ZNF326: variants seen among roughly 807,000 people sequenced by gnomAD.
The protein encoded by ZNF326 is DBIRD complex subunit ZNF326.
In ZNF326, 30 loss-of-function variants were observed where a neutral mutation model predicts 63.1. That is an observed-to-expected ratio of 0.48 (90% CI 0.36 to 0.64). The LOEUF (loss-of-function observed/expected upper bound fraction) is 0.64, where lower values mean the gene tolerates loss of function less well. Ranked by LOEUF, ZNF326 falls within the 30% of genes least tolerant of loss-of-function variation. The pLI, the probability that ZNF326 is intolerant of heterozygous loss-of-function variation, is 0.00. For missense variants in ZNF326, 609 were observed against 720.3 expected, an observed-to-expected ratio of 0.85 and a Z score of 1.77; for synonymous variants, 194 against 228.2, an observed-to-expected ratio of 0.85 and a Z score of 1.35.
chr1:90,017,545 C>A, intron 8 of ZNF326, 81 bp downstream of exon 8: 1 of 1,292,778 alleles, frequency 7.7e-7, no homozygotes, highest in African/African-American at 1.6e-5. Flanking sequence ...CCCCATCTCT[C>A]ACATTTATGT....
chr1:90,010,192 A>G lies in ZNF326; in HGVS notation c.720A>G (p.Lys240=). 2 of 1,613,952 alleles carry G rather than the reference A, an allele frequency of 1.2e-6. No individual in the cohort carries two copies. Among genetic ancestry groups the G allele is most frequent in the Non-Finnish European group, 1.7e-6 (2 of 1,179,886 alleles). Residue 240 remains lysine (K), a synonymous_variant, in exon 6 of 12, where the codon AAA becomes AAG. Transcript: ENST00000340281. The part of the protein sequence containing the change: ...TVAAARGIKR[K]MMQPFNKPSG... ...CTGCTGCAAGAGGAATAAAGAGAAA[A>G]ATGATGCAGCCATTTAATAAGCCCA...
At position 90,005,743 on chromosome 1, in the gene ZNF326, A is replaced by T. The variant is rs1001848749; in HGVS notation, c.209+499A>T. Reference sequence around the variant, plus strand: ...CATATTCCTTTAATTCTAATTTTAAAGGAAGAGCATATTGCAATAATAAAA... The same window carrying T: ...CATATTCCTTTAATTCTAATTTTAATGGAAGAGCATATTGCAATAATAAAA... On this transcript the variant is annotated intron_variant, in intron 4 of 11. Transcript: ENST00000340281. 3.1e-6 allele frequency: 3 copies of T among 983,512 alleles called. No individual in the cohort carries two copies. In the African/African-American group the frequency reaches 5.2e-5, roughly 17 times the overall value. The allele number at this position is 983,512 out of a possible 1,614,324, so 60.9% of individuals were successfully genotyped here.
chr1:90,018,571 A>G (rs1051720153), intron 8 of ZNF326, 114 bp from the exon 9 acceptor site: 3 of 512,544 alleles, frequency 5.9e-6, no homozygotes, highest in Admixed American at 3.9e-5. Flanking sequence ...TTGAGAAAAG[A>G]TGTTAATTCT....
chr1:90,024,091 C>T (rs114532424), intron 11 of ZNF326, among the ~76,000 whole-genome samples: 1 of 152,172 alleles, frequency 6.6e-6, no homozygotes, highest in African/African-American at 2.4e-5. Flanking sequence ...GCTGTGTTCC[C>T]TGTTGTCATT....
chr1:90,023,024 A>C (rs1394545221), intron 11 of ZNF326, among the ~76,000 whole-genome samples: 1 of 152,196 alleles, frequency 6.6e-6, no homozygotes, highest in African/African-American at 2.4e-5. Context: ...TCAGATGTGA[A>C]CAATTGGATA....
rs115125273 is a variant in ZNF326, at chr1:89,999,456, T to G, written c.61+1302T>G. Among the ~76,000 whole-genome samples the G allele has an allele frequency of 4.4e-3, 670 of 152,322 alleles. 5 individuals carry two copies. Among genetic ancestry groups the G allele is most frequent in the African/African-American group, 0.015 (636 of 41,568 alleles). On this transcript the variant is annotated intron_variant, in intron 2 of 11. Transcript: ENST00000340281. ...ACATAGGACTTGAAATGCAGACTCA[T>G]GCAGGGCCAGATGTTTATTTATTAA...
rs1019356056 is a variant in ZNF326 at position 90,032,584 on chromosome 1, G to A, written c.*4883G>A. 26 of 152,274 alleles carry A rather than the reference G, an allele frequency of 1.7e-4. No homozygotes were observed. Among genetic ancestry groups the A allele is most frequent in the African/African-American group, 5.8e-4 (24 of 41,562 alleles). The allele number at this position is 152,274 out of a possible 1,614,324, so 9.4% of individuals were successfully genotyped here. A position where few individuals can be genotyped will look rare whatever the true frequency, so the allele number is the denominator to read the frequency against. On this transcript the variant is annotated 3_prime_UTR_variant, in exon 12 of 12. Transcript: ENST00000340281. Reference sequence around the variant, plus strand: ...AGGGTGCTGTGAAATATTTCTAGAAGATACAAAACAAGGAATTAGATCTTG... The same window carrying A: ...AGGGTGCTGTGAAATATTTCTAGAAAATACAAAACAAGGAATTAGATCTTG...
chr1:90,022,210 A>G (rs1306094538), intron 10 of ZNF326, 40 bp from the exon 11 acceptor site: 17 of 1,396,648 alleles, frequency 1.2e-5, no homozygotes, highest in Non-Finnish European at 1.7e-5. Context: ...TTTTCATGGC[A>G]TGGTTTTCAA....
chr1:90,009,588 G>A (rs1275479297), intron 5 of ZNF326, among the ~76,000 whole-genome samples: 1 of 152,030 alleles, frequency 6.6e-6, no homozygotes, highest in Non-Finnish European at 1.5e-5. Flanking sequence ...GTTCCATCTC[G>A]CCTTCTCATT....
In ZNF326 at chr1:90,028,801, T is replaced by C. The variant is rs1650141165; in HGVS notation, c.*1100T>C. The C allele has an allele frequency of 6.6e-6, 1 of 152,000 alleles. No homozygotes were observed. Among genetic ancestry groups the C allele is most frequent in the Admixed American group, 6.6e-5 (1 of 15,260 alleles). The allele number at this position is 152,000 out of a possible 1,614,324, so 9.4% of individuals were successfully genotyped here. The stretch of plus-strand genomic sequence containing the variant: ...TTTTCAATCTTTACTGTGGCCTCTT[T>C]TGAGAGTAGGGTCCGTAGTTTTTTT... On this transcript the variant is annotated 3_prime_UTR_variant, in exon 12 of 12. Transcript: ENST00000340281.
At position 89,995,249 on chromosome 1, in the gene ZNF326, G is replaced by A; in HGVS notation, c.-9G>A. 6.4e-7 allele frequency: 1 copy of A among 1,553,562 alleles called. No individual in the cohort carries two copies. Among genetic ancestry groups the A allele is most frequent in the Non-Finnish European group, 8.7e-7 (1 of 1,151,744 alleles). ...GCGCCGCCAAGGCCGACGGCCCTCA[G>A]CCTCTGCCATGGACTTCGAGGACGG... On this transcript the variant is annotated 5_prime_UTR_variant, in exon 1 of 12. Transcript: ENST00000340281.
At chr1:90,022,493 T>G (rs1265443482) in intron 11 of ZNF326, 148 bp downstream of exon 11, 4 of 606,146 alleles carry the variant, frequency 6.6e-6, no homozygotes, top group South Asian at 2.5e-5. Context: ...TAAAACATCT[T>G]TTTTCCTAAT....
chr1:90,023,287 T>C (rs1004181731), intron 11 of ZNF326, among the ~76,000 whole-genome samples: 3 of 152,234 alleles, frequency 2.0e-5, no homozygotes, highest in Admixed American at 1.3e-4. Context: ...TGAAGAGAGC[T>C]GTTGTGTTGA....
rs529123621 is a variant in ZNF326, at chr1:90,003,587, G to C, written c.62-1416G>C. On this transcript the variant is annotated intron_variant, in intron 2 of 11. Coordinates refer to ENST00000340281, the MANE Select transcript of ZNF326 (RefSeq NM_182976.4). ...GAAGAAGGATGACACTCAGCTGAGA[G>C]AGTATCAGTAAAAGTTTTCTTGAAT... Among the ~76,000 whole-genome samples, 39 of 152,336 alleles carry C rather than the reference G, an allele frequency of 2.6e-4. No homozygotes were observed. In the South Asian group the frequency reaches 4.3e-3, roughly 17 times the overall value.
At chr1:90,013,536 C>T (rs1649355101) in intron 7 of ZNF326, among the ~76,000 whole-genome samples, 1 of 152,182 alleles carries the variant, frequency 6.6e-6, no homozygotes, top group Non-Finnish European at 1.5e-5. Context: ...TAGTGATTTT[C>T]ATGGGCAGGA....
rs973308511 is a variant in ZNF326, at chr1:89,995,117, C to T, written c.-141C>T. On this transcript the variant is annotated 5_prime_UTR_variant, in exon 1 of 12. Transcript: ENST00000340281. ...GGTCGGCCCCGCCTCCCCAGCCTCG[C>T]TGTGGCCTGCGGCTCCCGGGCTGGT... 1.9e-6 allele frequency: 2 copies of T among 1,048,834 alleles called. No individual in the cohort carries two copies. Among genetic ancestry groups the T allele is most frequent in the East Asian group, 3.1e-5 (1 of 31,990 alleles). The allele number at this position is 1,048,834 out of a possible 1,614,324, so 65.0% of individuals were successfully genotyped here.
chr1:90,003,044 T>G (rs1367530340), intron 2 of ZNF326, among the ~76,000 whole-genome samples: 1 of 152,320 alleles, frequency 6.6e-6, no homozygotes, highest in African/African-American at 2.4e-5. Flanking sequence ...TAAAAAATTC[T>G]AATGTTCACT....
At chr1:90,021,315 C>T (rs1316723753) in intron 10 of ZNF326, among the ~76,000 whole-genome samples, 1 of 151,730 alleles carries the variant, frequency 6.6e-6, no homozygotes, top group African/African-American at 2.4e-5. Flanking sequence ...GAACTGTTAA[C>T]TTTTTAAAAA....
At chr1:90,008,281 A>G (rs1248985993) in intron 5 of ZNF326, among the ~76,000 whole-genome samples, 2 of 152,230 alleles carry the variant, frequency 1.3e-5, no homozygotes, top group East Asian at 3.8e-4. Context: ...GTTGATGTGT[A>G]TAATAGATTG....
Sources: gnomAD v4.1 joint callset for allele counts (sites outside exome capture counted in the v4.1 genomes callset) on GRCh38, gnomAD v4.1.1 for gene constraint, MANE v1.5 for transcripts, NCBI Gene and HGNC (gene_info 2026-07-23, HGNC 2026-07-21) for gene names.